Variants in CNTNAP2 observed in about 807,000 individuals in gnomAD.
CNTNAP2 encodes contactin associated protein 2.
CNTNAP2 carries 98 observed loss-of-function variants against 155.2 expected under a neutral mutation model. That is an observed-to-expected ratio of 0.63 (90% CI 0.54 to 0.75). The LOEUF is 0.75. Ranked by LOEUF, CNTNAP2 falls within the 30% of genes least tolerant of loss-of-function variation. The pLI is 0.00. For synonymous variants in CNTNAP2, 651 were observed against 631.2 expected (o/e 1.03, Z -0.47); for missense variants, 1,727 against 1,688.1 (o/e 1.02, Z -0.40).
intron 2 of CNTNAP2, among the ~76,000 whole-genome samples, chr7:146,789,185 A>C (rs1486000218): frequency 2.0e-5 from 3 of 152,216 alleles, no homozygotes; most frequent in Non-Finnish European, 4.4e-5. Context: ...ACTGGATCTG[A>C]GTATTTGAAA....
At chr7:147,865,396 G>A (rs1219715240) in intron 13 of CNTNAP2, among the ~76,000 whole-genome samples, 1 of 152,038 alleles carries the variant, frequency 6.6e-6, no homozygotes, top group Non-Finnish European at 1.5e-5. Context: ...CTCTTTTTTT[G>A]TTGTCTCTCT....
chr7:148,114,512 T>C (rs1466423059), intron 15 of CNTNAP2, among the ~76,000 whole-genome samples: 1 of 152,148 alleles, frequency 6.6e-6, no homozygotes, highest in Non-Finnish European at 1.5e-5. Context: ...CTATGATCAG[T>C]TGGGAGCAGT....
chr7:147,525,290 T>C (rs959648071), intron 11 of CNTNAP2, among the ~76,000 whole-genome samples: 2 of 152,228 alleles, frequency 1.3e-5, no homozygotes, highest in African/African-American at 4.8e-5. Flanking sequence ...CATGTGTGTC[T>C]GTATAACAAA....
At chr7:146,968,135 C>T (rs1185676213) in intron 3 of CNTNAP2, among the ~76,000 whole-genome samples, 1 of 149,974 alleles carries the variant, frequency 6.7e-6, no homozygotes, top group South Asian at 2.1e-4. Flanking sequence ...TATATTGAAC[C>T]AGCCTTGCAT....
chr7:146,343,941 A>G (rs1794773486), intron 1 of CNTNAP2, among the ~76,000 whole-genome samples: 1 of 152,136 alleles, frequency 6.6e-6, no homozygotes, highest in Non-Finnish European at 1.5e-5. Context: ...AATTATGAAC[A>G]ATATAAATAT....
intron 3 of CNTNAP2, among the ~76,000 whole-genome samples, chr7:146,987,298 A>G (rs1007851978): frequency 3.9e-5 from 6 of 152,156 alleles, no homozygotes; most frequent in Non-Finnish European, 5.9e-5. Context: ...CAATTTTTGA[A>G]CTACTTTATT....
At chr7:147,008,209 G>C (rs1451939004) in intron 3 of CNTNAP2, among the ~76,000 whole-genome samples, 1 of 151,966 alleles carries the variant, frequency 6.6e-6, no homozygotes, top group Non-Finnish European at 1.5e-5. Flanking sequence ...TGTTAATCCT[G>C]GTTATAAGCG....
chr7:146,505,247 G>C (rs906354527), intron 1 of CNTNAP2, among the ~76,000 whole-genome samples: 1 of 152,190 alleles, frequency 6.6e-6, no homozygotes, highest in African/African-American at 2.4e-5. Context: ...CCAACGGTTG[G>C]ACACATTGGT....
At chr7:146,862,962 T>C (rs533433258) in intron 3 of CNTNAP2, among the ~76,000 whole-genome samples, 1 of 151,978 alleles carries the variant, frequency 6.6e-6, no homozygotes, top group African/African-American at 2.4e-5. Flanking sequence ...TTCATGCATA[T>C]AGATTTCCAC....
chr7:147,695,669 G>A (rs141759700), intron 13 of CNTNAP2, among the ~76,000 whole-genome samples: 1 of 152,050 alleles, frequency 6.6e-6, no homozygotes, highest in East Asian at 1.9e-4. Flanking sequence ...AGGCTTGGTG[G>A]TGCATGCCTG....
chr7:146,751,631 T>C (rs553129396), intron 1 of CNTNAP2, among the ~76,000 whole-genome samples: 4 of 152,326 alleles, frequency 2.6e-5, no homozygotes, highest in Admixed American at 6.5e-5. Flanking sequence ...AATTTTACTC[T>C]AAGTTCTGGG....
intron 21 of CNTNAP2, among the ~76,000 whole-genome samples, chr7:148,330,418 G>T (rs1161232050): frequency 1.3e-5 from 2 of 151,538 alleles, no homozygotes; most frequent in Non-Finnish European, 2.9e-5. Context: ...TGGACAGATG[G>T]ATGGAGTGGA....
At chr7:147,673,310 C>T (rs1243107132) in intron 13 of CNTNAP2, among the ~76,000 whole-genome samples, 1 of 152,152 alleles carries the variant, frequency 6.6e-6, no homozygotes, top group Non-Finnish European at 1.5e-5. Flanking sequence ...GAGGTAATTA[C>T]CATGTAACTG....
intron 12 of CNTNAP2, among the ~76,000 whole-genome samples, chr7:147,583,768 A>T (rs1800563338): frequency 6.6e-6 from 1 of 152,070 alleles, no homozygotes; most frequent in African/African-American, 2.4e-5. Flanking sequence ...GTTTACTGTC[A>T]GTGTCTCAGT....
chr7:146,812,412 A>G (rs1803082237), intron 2 of CNTNAP2, among the ~76,000 whole-genome samples: 1 of 148,802 alleles, frequency 6.7e-6, no homozygotes, highest in African/African-American at 2.5e-5. Context: ...ATCTGGCAGA[A>G]GAAATTTCTT....
At chr7:146,229,805 A>C (rs1046250927) in intron 1 of CNTNAP2, among the ~76,000 whole-genome samples, 1 of 152,164 alleles carries the variant, frequency 6.6e-6, no homozygotes, top group Non-Finnish European at 1.5e-5. Context: ...GCTTGGTTTC[A>C]GTTCCTATTA....
intron 1 of CNTNAP2, among the ~76,000 whole-genome samples, chr7:146,306,911 A>T (rs961290453): frequency 6.6e-6 from 1 of 152,150 alleles, no homozygotes; most frequent in Non-Finnish European, 1.5e-5. Flanking sequence ...TTCCCTTTGA[A>T]AACGGGCACA....
At chr7:148,312,960 A>G (rs967204860) in intron 21 of CNTNAP2, among the ~76,000 whole-genome samples, 3 of 151,790 alleles carry the variant, frequency 2.0e-5, no homozygotes, top group Non-Finnish European at 2.9e-5. Context: ...AAAGGTGGCA[A>G]TGAGGTGTGG....
At chr7:148,115,782 GAAGAAAGCAA>G (rs1804455605) in intron 15 of CNTNAP2, among the ~76,000 whole-genome samples, 1 of 151,982 alleles carries the variant, frequency 6.6e-6, no homozygotes, top group South Asian at 2.1e-4. Flanking sequence ...TCCTCCCCAA[GAAGAAAGCAA>G]CCTATTTGCC....
Sources: gnomAD v4.1 joint callset for allele counts (sites outside exome capture counted in the v4.1 genomes callset) on GRCh38, gnomAD v4.1.1 for gene constraint, MANE v1.5 for transcripts, NCBI Gene and HGNC (gene_info 2026-07-23, HGNC 2026-07-21) for gene names.